NPHP4: variants seen among roughly 807,000 people sequenced by gnomAD.
NPHP4 encodes nephrocystin 4, also known as nephrocystin-4.
In NPHP4, 151 loss-of-function variants were observed where a neutral mutation model predicts 155.8. The observed-to-expected ratio is 0.97, with a 90% confidence interval of 0.85 to 1.11. The LOEUF (loss-of-function observed/expected upper bound fraction) is 1.11. Among genes scored for constraint, NPHP4 ranks in the 50% least tolerant of loss-of-function variants. The pLI, the probability that NPHP4 is intolerant of heterozygous loss-of-function variation, is 0.00. For missense variants in NPHP4, 1,956 were observed against 1,925.7 expected, an observed-to-expected ratio of 1.02 and a Z score of -0.29; for synonymous variants, 845 against 816.8, an observed-to-expected ratio of 1.03 and a Z score of -0.59.
intron 23 of NPHP4, 189 bp from the exon 24 acceptor site, chr1:5,868,085 G>A (rs1394696654): frequency 2.7e-6 from 2 of 733,754 alleles, no homozygotes; most frequent in Admixed American, 2.0e-5. Context: ...CCACCAGGAG[G>A]GGACCGCTAA....
At chr1:5,888,633 A>T (rs1643946670) in intron 17 of NPHP4, 6 of 1,339,580 alleles carry the variant, frequency 4.5e-6, no homozygotes, top group Non-Finnish European at 5.9e-6. Flanking sequence ...GCCAACAAAT[A>T]CAAGAAACCA....
chr1:5,925,085 G>A (rs1045430136), intron 11 of NPHP4, among the ~76,000 whole-genome samples: 10 of 152,162 alleles, frequency 6.6e-5, no homozygotes, highest in African/African-American at 2.4e-4. Context: ...TGTTTATTAT[G>A]TATTACTACT....
At chr1:5,980,389 G>A (rs932311206) in intron 2 of NPHP4, among the ~76,000 whole-genome samples, 1 of 151,446 alleles carries the variant, frequency 6.6e-6, no homozygotes, top group East Asian at 1.9e-4. Context: ...CTGGGCCAGG[G>A]AGGAGAGAAG....
intron 10 of NPHP4, among the ~76,000 whole-genome samples, chr1:5,931,863 C>T (rs769148915): frequency 1.3e-5 from 2 of 151,984 alleles, no homozygotes; most frequent in Non-Finnish European, 2.9e-5. Context: ...TCCCTTGAAC[C>T]CAGGAGCTCA....
chr1:5,949,414 T>A (rs536137477), intron 7 of NPHP4, among the ~76,000 whole-genome samples: 1 of 147,336 alleles, frequency 6.8e-6, no homozygotes, highest in African/African-American at 2.5e-5. Context: ...CCTGAATCAT[T>A]CATTCTCACA....
intron 18 of NPHP4, chr1:5,881,167 T>G (rs561609081): frequency 6.6e-6 from 1 of 152,380 alleles, no homozygotes; most frequent in South Asian, 2.1e-4. Context: ...CCTCCTTGGC[T>G]GCAGCAGATC....
At chr1:5,915,348 A>G (rs1645418430) in intron 11 of NPHP4, among the ~76,000 whole-genome samples, 1 of 152,178 alleles carries the variant, frequency 6.6e-6, no homozygotes, top group South Asian at 2.1e-4. Flanking sequence ...AGGGTTGCAA[A>G]AAGTAGCTTC....
At chr1:5,973,969 C>T (rs1417306836) in intron 3 of NPHP4, among the ~76,000 whole-genome samples, 9 of 152,190 alleles carry the variant, frequency 5.9e-5, no homozygotes, top group East Asian at 1.9e-4. Context: ...TGCCCTCTGC[C>T]GAGCAACAGC....
intron 18 of NPHP4, among the ~76,000 whole-genome samples, chr1:5,886,274 G>A (rs562472000): frequency 2.6e-5 from 4 of 152,244 alleles, no homozygotes; most frequent in Non-Finnish European, 5.9e-5. Context: ...AGGCCGCCTC[G>A]GATGTACATT....
intron 10 of NPHP4, among the ~76,000 whole-genome samples, 174 bp downstream of exon 10, chr1:5,932,973 C>T (rs892769566): frequency 6.6e-6 from 1 of 152,152 alleles, no homozygotes; most frequent in Non-Finnish European, 1.5e-5. Flanking sequence ...TAAAACTGGT[C>T]TTATCAGGTT....
At chr1:5,967,577 A>G (rs1651766514) in intron 4 of NPHP4, among the ~76,000 whole-genome samples, 1 of 152,208 alleles carries the variant, frequency 6.6e-6, no homozygotes, top group Non-Finnish European at 1.5e-5. Context: ...CGCAGCCCCA[A>G]CCAAGGCAGC....
chr1:5,888,845 T>C (rs1168606330), intron 17 of NPHP4, among the ~76,000 whole-genome samples: 1 of 152,222 alleles, frequency 6.6e-6, no homozygotes, highest in Non-Finnish European at 1.5e-5. Context: ...TGGCTCTGCA[T>C]GCCTGCGGCC....
Position 5,891,187 on chromosome 1 carries a change from A to T in NPHP4, c.2144-159T>A, listed in dbSNP as rs116953673. Among the ~76,000 whole-genome samples, 17 of 152,366 alleles carry T rather than the reference A, an allele frequency of 1.1e-4. No individual in the cohort carries two copies. The East Asian group carries it at 3.3e-3, about 29-fold the overall frequency. On this transcript the variant is annotated intron_variant, in intron 16 of 29. Transcript: ENST00000378156. Reference sequence around the variant, plus strand: ...ATCAAAAACATCATAAAATATTCAAATTAACAGAATGAAGAGTCATGTTCA... The same window carrying T: ...ATCAAAAACATCATAAAATATTCAATTTAACAGAATGAAGAGTCATGTTCA...
rs1212878164 is a variant in NPHP4 at position 5,867,218 on chromosome 1, G to T, written c.3473-103C>A. 2.2e-5 allele frequency: 19 copies of T among 852,772 alleles called. No individual in the cohort carries two copies. The highest frequency in any genetic ancestry group is 3.3e-5 in the Non-Finnish European group (18 of 539,394). The allele number at this position is 852,772 out of a possible 1,614,324, so 52.8% of individuals were successfully genotyped here. The stretch of plus-strand genomic sequence containing the variant: ...TATAGGACAGGACAGGCTCGTCACA[G>T]GTGCTCAGCAAGACACCTGCTGGGG... On this transcript the variant is annotated intron_variant, in intron 24 of 29. Coordinates refer to ENST00000378156, the MANE Select transcript of NPHP4 (RefSeq NM_015102.5). The surrounding 1 kb of genome is among the most constrained non-coding windows in gnomAD (Gnocchi z 4.1).
intron 16 of NPHP4, among the ~76,000 whole-genome samples, chr1:5,900,159 T>C (rs1644599203): frequency 6.6e-6 from 1 of 152,196 alleles, no homozygotes; most frequent in Non-Finnish European, 1.5e-5. Flanking sequence ...TGGTGACTCC[T>C]AACAAAACTA....
chr1:5,864,993 T>G, intron 27 of NPHP4, 109 bp downstream of exon 27: 1 of 1,130,260 alleles, frequency 8.8e-7, no homozygotes, highest in South Asian at 1.3e-5. Context: ...CTGGAGGCGC[T>G]GGAAAAGCTG....
At chr1:5,964,582 C>T (rs1650993629) in intron 5 of NPHP4, among the ~76,000 whole-genome samples, 1 of 152,164 alleles carries the variant, frequency 6.6e-6, no homozygotes, top group Non-Finnish European at 1.5e-5. Flanking sequence ...GTCCCACCCT[C>T]CCGGCCTGTA....
rs1650386841 is a variant in NPHP4, at chr1:5,961,826, A to G, written c.641T>C (p.Ile214Thr). ...TCCATGAGCTGGAAGCAGGCCAGGT[A>G]TCTGCTGCAGACCAGACACCAGAAG... ...ENLLVSGLQQ[I>T]PGLLPAHGES... Residue 214 changes from isoleucine to threonine, a missense_variant, in exon 6 of 30, where the codon ATA becomes ACA. By Grantham distance (89) the Ile-to-Thr change is moderately conservative. Coordinates refer to ENST00000378156, the MANE Select transcript of NPHP4 (RefSeq NM_015102.5). 6.2e-6 allele frequency: 10 copies of G among 1,613,328 alleles called. No homozygotes were observed. Among genetic ancestry groups the G allele is most frequent in the Non-Finnish European group, 8.5e-6 (10 of 1,179,558 alleles).
rs921388010 is a variant in NPHP4, at chr1:5,890,016, C to A, written c.2304+852G>T. Reference sequence around the variant, plus strand: ...AGCTGGAAAAACTCCCATACCCCATCCCCCCACCCCGAGAGCACAGCGCAG... The same window carrying A: ...AGCTGGAAAAACTCCCATACCCCATACCCCCACCCCGAGAGCACAGCGCAG... On this transcript the variant is annotated intron_variant, in intron 17 of 29. Coordinates refer to ENST00000378156, the MANE Select transcript of NPHP4 (RefSeq NM_015102.5). The surrounding 1 kb of genome is among the most constrained non-coding windows in gnomAD (Gnocchi z 4.9). 1.3e-5 allele frequency among the ~76,000 whole-genome samples: 2 copies of A among 152,032 alleles called. No individual in the cohort carries two copies. Among genetic ancestry groups the A allele is most frequent in the Admixed American group, 6.6e-5 (1 of 15,262 alleles).
Sources: allele counts gnomAD v4.1 joint callset (sites outside exome capture counted in the v4.1 genomes callset), GRCh38; gene constraint gnomAD v4.1.1; non-coding constraint Gnocchi (gnomAD v3.1); transcripts MANE v1.5; gene names NCBI Gene and HGNC (gene_info 2026-07-23, HGNC 2026-07-21).